MDFIC2: variants seen among roughly 807,000 people sequenced by gnomAD.
MDFIC2 encodes the protein myoD family inhibitor domain-containing protein 2.
intron 2 of MDFIC2, among the ~76,000 whole-genome samples, chr3:70,283,097 T>C (rs1702105403): frequency 6.6e-6 from 1 of 152,110 alleles, no homozygotes; most frequent in South Asian, 2.1e-4. Context: ...AGGTCTTGGG[T>C]ATATTAATAA....
At chr3:70,264,289 T>C (rs1701894445) in intron 2 of MDFIC2, among the ~76,000 whole-genome samples, 1 of 152,234 alleles carries the variant, frequency 6.6e-6, no homozygotes, top group African/African-American at 2.4e-5. Flanking sequence ...TAGTTAAGTA[T>C]ACTTTTGCAA....
chr3:70,289,889 G>T (rs1377085186), intron 2 of MDFIC2, among the ~76,000 whole-genome samples: 2 of 151,660 alleles, frequency 1.3e-5, no homozygotes, highest in Non-Finnish European at 2.9e-5. Context: ...CGTAGTTCTC[G>T]AGCCTTGGTT....
chr3:70,288,495 G>C (rs1310720209), intron 2 of MDFIC2, among the ~76,000 whole-genome samples: 1 of 150,606 alleles, frequency 6.6e-6, no homozygotes, highest in Non-Finnish European at 1.5e-5. Context: ...GGTCAATTTT[G>C]GAATAGGTGT....
intron 2 of MDFIC2, among the ~76,000 whole-genome samples, chr3:70,285,109 A>C (rs1188028525): frequency 6.6e-6 from 1 of 150,530 alleles, no homozygotes; most frequent in African/African-American, 2.5e-5. Flanking sequence ...CACATTGTGC[A>C]GGTTAGTTAC....
chr3:70,267,981 G>GCCTCCCCTTTCA (rs1311734746), intron 2 of MDFIC2, among the ~76,000 whole-genome samples: 1 of 111,774 alleles, frequency 8.9e-6, no homozygotes, highest in Non-Finnish European at 1.8e-5. Flanking sequence ...CTCCCCTTTC[G>GCCTCCCCTTTCA]CCTCCCCTTT....
At chr3:70,304,829 C>T (rs147090896) in intron 2 of MDFIC2, among the ~76,000 whole-genome samples, 1 of 152,280 alleles carries the variant, frequency 6.6e-6, no homozygotes, top group Non-Finnish European at 1.5e-5. Context: ...TATCCAGATT[C>T]CCAACTGACC....
intron 2 of MDFIC2, among the ~76,000 whole-genome samples, chr3:70,238,924 C>T (rs1701638819): frequency 6.6e-6 from 1 of 152,106 alleles, no homozygotes. Flanking sequence ...TTAGAGGATG[C>T]ATGCTGATTA....
intron 3 of MDFIC2, among the ~76,000 whole-genome samples, chr3:70,199,781 T>C (rs1701219323): frequency 6.6e-6 from 1 of 152,172 alleles, no homozygotes; most frequent in Non-Finnish European, 1.5e-5. Flanking sequence ...TGCTTTAATG[T>C]TTAATAAATG....
chr3:70,309,425 A>G (rs2106708465), intron 2 of MDFIC2, among the ~76,000 whole-genome samples: 1 of 152,332 alleles, frequency 6.6e-6, no homozygotes, highest in Admixed American at 6.5e-5. Flanking sequence ...TATTCTGAGT[A>G]ATGCTTTTAA....
At chr3:70,203,496 A>T (rs575887928) in intron 3 of MDFIC2, among the ~76,000 whole-genome samples, 21 of 152,210 alleles carry the variant, frequency 1.4e-4, no homozygotes, top group African/African-American at 5.1e-4. Flanking sequence ...CACAACTAAC[A>T]CTCAAGTCAG....
At chr3:70,285,041 T>C (rs1025058411) in intron 2 of MDFIC2, among the ~76,000 whole-genome samples, 1 of 150,618 alleles carries the variant, frequency 6.6e-6, no homozygotes, top group Non-Finnish European at 1.5e-5. Context: ...TTTTTACTTA[T>C]TTTTTTTTAA....
intron 2 of MDFIC2, chr3:70,283,825 T>C (rs963337907): frequency 1.3e-5 from 2 of 151,942 alleles, no homozygotes; most frequent in Admixed American, 1.3e-4. Flanking sequence ...TGGCCAAATG[T>C]TAACATCTGT....
chr3:70,254,146 A>G (rs1248490900), intron 2 of MDFIC2, among the ~76,000 whole-genome samples: 4 of 7,108 alleles, frequency 5.6e-4, no homozygotes, highest in Non-Finnish European at 2.2e-3. Flanking sequence ...CCCAGTTCCA[A>G]TTACACAAAA....
At chr3:70,232,265 T>C (rs1479075580) in intron 2 of MDFIC2, among the ~76,000 whole-genome samples, 1 of 152,210 alleles carries the variant, frequency 6.6e-6, no homozygotes, top group Non-Finnish European at 1.5e-5. Flanking sequence ...TAGCTATTAT[T>C]ACTACTGTTA....
intron 2 of MDFIC2, among the ~76,000 whole-genome samples, chr3:70,267,330 T>A (rs1339736444): frequency 6.6e-6 from 1 of 151,806 alleles, no homozygotes. Context: ...TATCAAGTTT[T>A]CCATGAGACC....
chr3:70,241,327 T>G lies in MDFIC2; in HGVS notation c.89-34537A>C, dbSNP rs79825335. ...CTCATGATAAACATGATGAAGAATGTGCTATGCTTCTCCAATTGTTTTCTT... is the reference window on the plus strand; with the variant it reads ...CTCATGATAAACATGATGAAGAATGGGCTATGCTTCTCCAATTGTTTTCTT... On this transcript the variant is annotated intron_variant, in intron 2 of 3. Transcript: ENST00000567252. Among the ~76,000 whole-genome samples, 942 of 152,302 alleles carry G rather than the reference T, an allele frequency of 6.2e-3. 8 individuals carry two copies. Among genetic ancestry groups the G allele is most frequent in the African/African-American group, 0.021 (871 of 41,568 alleles).
chr3:70,217,495 C>G (rs778324691), intron 2 of MDFIC2, among the ~76,000 whole-genome samples: 3 of 152,094 alleles, frequency 2.0e-5, no homozygotes, highest in Non-Finnish European at 4.4e-5. Flanking sequence ...AGAAGTTTGT[C>G]TATGCTCTGA....
chr3:70,251,981 C>A (rs1044607661), intron 2 of MDFIC2, among the ~76,000 whole-genome samples: 2 of 152,154 alleles, frequency 1.3e-5, no homozygotes, highest in Non-Finnish European at 2.9e-5. Context: ...CTTCAAAACA[C>A]GTGTTAAGGA....
At chr3:70,219,597 G>GA (rs1701443874) in intron 2 of MDFIC2, among the ~76,000 whole-genome samples, 1 of 152,132 alleles carries the variant, frequency 6.6e-6, no homozygotes, top group African/African-American at 2.4e-5. Context: ...AAATTGGGAT[G>GA]AAAAACCAAC....
Sources: gnomAD v4.1 joint callset for allele counts (sites outside exome capture counted in the v4.1 genomes callset) on GRCh38, gnomAD v4.1.1 for gene constraint, MANE v1.5 for transcripts, NCBI Gene and HGNC (gene_info 2026-07-23, HGNC 2026-07-21) for gene names.